Variants in NTN1 observed in about 807,000 individuals in gnomAD.
NTN1 encodes netrin 1.
A neutral mutation model predicts 54.2 loss-of-function variants in NTN1; 11 were observed. The ratio of observed to expected loss-of-function variants is 0.20; its 90% CI spans 0.13 to 0.34. The LOEUF is 0.34. Ranked by LOEUF, NTN1 falls within the 10% of genes least tolerant of loss-of-function variation. The probability of loss-of-function intolerance (pLI) is 1.00; values close to 1 mark genes in which losing one functional copy is unlikely to be tolerated. For synonymous variants in NTN1, 371 were observed against 382.0 expected (o/e 0.97, Z 0.33); for missense variants, 740 against 893.1 (o/e 0.83, Z 2.18).
chr17:9,167,716 T>C (rs1394993920), intron 3 of NTN1, among the ~76,000 whole-genome samples: 5 of 152,218 alleles, frequency 3.3e-5, no homozygotes, highest in African/African-American at 1.2e-4. Context: ...CCTTATTTCT[T>C]TCAGCAGCTC....
In NTN1 at chr17:9,146,605, C is replaced by T. The variant is rs201628750; in HGVS notation, c.1019-16208C>T. On this transcript the variant is annotated intron_variant, in intron 2 of 6. Transcript: ENST00000173229. ...GGGGACCTGTGGGTCTTTAGACACA[C>T]CCTGGGGGTCTTTAGACACACCCTG... Among the ~76,000 whole-genome samples, 1,304 of 131,238 alleles carry T rather than the reference C, an allele frequency of 9.9e-3. 37 individuals are homozygous for T. In the East Asian group the frequency reaches 0.12, roughly 12 times the overall value. 86.1% of individuals were successfully genotyped at this position (131,238 alleles called of 152,430 possible).
intron 5 of NTN1, among the ~76,000 whole-genome samples, chr17:9,195,339 G>A (rs1340244070): frequency 6.6e-6 from 1 of 152,212 alleles, no homozygotes; most frequent in Non-Finnish European, 1.5e-5. Flanking sequence ...GAGGATAAAG[G>A]GATGAGCTGG....
intron 6 of NTN1, among the ~76,000 whole-genome samples, chr17:9,238,811 C>G (rs1027427627): frequency 4.6e-5 from 7 of 152,206 alleles, no homozygotes; most frequent in Non-Finnish European, 2.9e-5. Flanking sequence ...TCCTCTGAGT[C>G]AATGACATCG....
At chr17:9,157,407 TTGG>T (rs1308972961) in intron 2 of NTN1, among the ~76,000 whole-genome samples, 2 of 151,974 alleles carry the variant, frequency 1.3e-5, no homozygotes, top group African/African-American at 4.8e-5. Flanking sequence ...CAGTTCCAGG[TTGG>T]TGGGAGAGGG....
chr17:9,138,796 A>T (rs1404394857), intron 2 of NTN1, among the ~76,000 whole-genome samples: 1 of 152,082 alleles, frequency 6.6e-6, no homozygotes, highest in African/African-American at 2.4e-5. Flanking sequence ...CTGTGGGCTG[A>T]AAATGGGGGC....
At chr17:9,035,079 T>A (rs892578093) in intron 2 of NTN1, among the ~76,000 whole-genome samples, 1 of 152,158 alleles carries the variant, frequency 6.6e-6, no homozygotes. Flanking sequence ...CCCGAGTAGC[T>A]GGGACTACAG....
chr17:9,050,682 A>G (rs992066970), intron 2 of NTN1, among the ~76,000 whole-genome samples: 1 of 151,832 alleles, frequency 6.6e-6, no homozygotes, highest in East Asian at 1.9e-4. Context: ...AAAAAAAAAA[A>G]AAAAAAAAAA....
At chr17:9,141,524 A>G (rs7215348) in intron 2 of NTN1, among the ~76,000 whole-genome samples, 2,400 of 152,220 alleles carry the variant, frequency 0.016, 67 homozygotes, top group African/African-American at 0.054. Flanking sequence ...ATAACAGGGC[A>G]AAGAAGATGC....
chr17:9,072,357 A>G lies in NTN1; in HGVS notation c.1018+48966A>G, dbSNP rs566195223. 4.7e-5 allele frequency among the ~76,000 whole-genome samples: 7 copies of G among 149,972 alleles called. No individual in the cohort carries two copies. In the South Asian group the frequency reaches 1.0e-3, roughly 22 times the overall value. On this transcript the variant is annotated intron_variant, in intron 2 of 6. Transcript: ENST00000173229. ...GCTCCAGCTAACCCTTAGATGCACT[A>G]TTCTGATTTTGTGGGCTTGAATTCT...
At chr17:9,074,263 G>A (rs2092041987) in intron 2 of NTN1, among the ~76,000 whole-genome samples, 1 of 152,208 alleles carries the variant, frequency 6.6e-6, no homozygotes, top group Non-Finnish European at 1.5e-5. Context: ...TGAGGAATTA[G>A]GGATGGGACG....
intron 2 of NTN1, among the ~76,000 whole-genome samples, chr17:9,137,477 G>T (rs1330336306): frequency 6.6e-6 from 1 of 152,164 alleles, no homozygotes; most frequent in Non-Finnish European, 1.5e-5. Flanking sequence ...CCGTGGAGGG[G>T]GGCATGTGTC....
At chr17:9,077,075 T>A (rs1041989234) in intron 2 of NTN1, among the ~76,000 whole-genome samples, 1 of 152,206 alleles carries the variant, frequency 6.6e-6, no homozygotes, top group Non-Finnish European at 1.5e-5. Context: ...GGCTGTGGTC[T>A]CATGTCTTCT....
intron 5 of NTN1, among the ~76,000 whole-genome samples, chr17:9,202,506 C>T (rs1904828488): frequency 6.6e-6 from 1 of 152,146 alleles, no homozygotes; most frequent in Non-Finnish European, 1.5e-5. Context: ...TAAAGCAAAC[C>T]CGATACCTTT....
chr17:9,015,797 G>A, the NTN1 span, among the ~76,000 whole-genome samples: 3 of 151,970 alleles, frequency 2.0e-5, no homozygotes, highest in African/African-American at 7.3e-5. Context: ...CGGGCCGAGC[G>A]TGGTGGCTCA....
At chr17:9,022,240 C>A in intron 1 of NTN1, 71 bp from the exon 2 acceptor site, 2 of 1,039,542 alleles carry the variant, frequency 1.9e-6, no homozygotes, top group Non-Finnish European at 1.2e-6. Flanking sequence ...CCCGCATCTC[C>A]GCTCGCCACC....
Position 9,221,371 on chromosome 17 carries a change from C to T in NTN1, c.1486+129C>T. The stretch of plus-strand genomic sequence containing the variant: ...AGACCCTGTGACCGATGGGAACTAG[C>T]CGGACGGATCCCACGCCTGGGAATT... On this transcript the variant is annotated intron_variant, in intron 6 of 6. Coordinates refer to ENST00000173229, the MANE Select transcript of NTN1 (RefSeq NM_004822.3). The surrounding 1 kb of genome is among the most constrained non-coding windows in gnomAD (Gnocchi z 4.5). 2 of 726,956 alleles carry T rather than the reference C, an allele frequency of 2.8e-6. No homozygotes were observed. Among genetic ancestry groups the T allele is most frequent in the South Asian group, 3.0e-5 (2 of 65,686 alleles). The allele number at this position is 726,956 out of a possible 1,614,324, so 45.0% of individuals were successfully genotyped here.
chr17:9,067,366 AG>A (rs1410689770), intron 2 of NTN1, among the ~76,000 whole-genome samples: 6 of 152,178 alleles, frequency 3.9e-5, no homozygotes, highest in African/African-American at 1.2e-4. Flanking sequence ...AGTATGAAGC[AG>A]GGGTATGTGT....
chr17:9,174,269 G>C (rs946384944), intron 3 of NTN1: 1 of 152,504 alleles, frequency 6.6e-6, no homozygotes, highest in Non-Finnish European at 1.5e-5. Context: ...TTCCAGCAAA[G>C]GTGGTGACTT....
At chr17:9,116,643 C>G (rs1027624105) in intron 2 of NTN1, among the ~76,000 whole-genome samples, 2 of 152,188 alleles carry the variant, frequency 1.3e-5, no homozygotes, top group African/African-American at 4.8e-5. Context: ...ACACTGCCAT[C>G]CATCACGTTC....
Sources: allele counts gnomAD v4.1 joint callset (sites outside exome capture counted in the v4.1 genomes callset), GRCh38; gene constraint gnomAD v4.1.1; non-coding constraint Gnocchi (gnomAD v3.1); transcripts MANE v1.5; gene names NCBI Gene and HGNC (gene_info 2026-07-23, HGNC 2026-07-21).